Variants in ADCK2 observed in about 807,000 individuals in gnomAD.
ADCK2 encodes the protein aarF domain containing kinase 2, also known as uncharacterized aarF domain-containing protein kinase 2.
A neutral mutation model predicts 52.3 loss-of-function variants in ADCK2; 37 were observed. That is an observed-to-expected ratio of 0.71 (90% CI 0.54 to 0.93). The LOEUF (loss-of-function observed/expected upper bound fraction) is 0.93, where lower values mean the gene tolerates loss of function less well. Among genes scored for constraint, ADCK2 ranks in the 40% least tolerant of loss-of-function variants. The pLI is 0.00. For synonymous variants in ADCK2, 321 were observed against 349.2 expected, an observed-to-expected ratio of 0.92 and a Z score of 0.90; for missense variants, 695 against 798.7, an observed-to-expected ratio of 0.87 and a Z score of 1.56.
rs369429033 is a variant in ADCK2, at chr7:140,693,731, A to T, written c.1741-932A>T. Among the ~76,000 whole-genome samples, 6 of 151,848 alleles carry T rather than the reference A, an allele frequency of 4.0e-5. No homozygotes were observed. Among genetic ancestry groups the T allele is most frequent in the East Asian group, 1.9e-4 (1 of 5,170 alleles). On this transcript the variant is annotated intron_variant, in intron 7 of 7. Coordinates refer to ENST00000072869, the MANE Select transcript of ADCK2 (RefSeq NM_052853.4). The surrounding 1 kb of genome is among the most constrained non-coding windows in gnomAD (Gnocchi z 4.0). Reference sequence around the variant, plus strand: ...CTCTGATTTTTTTTATTTTTTTGAGATGGAGTTTCACTCTGTTGCCCAGGC... The same window carrying T: ...CTCTGATTTTTTTTATTTTTTTGAGTTGGAGTTTCACTCTGTTGCCCAGGC...
At position 140,693,375 on chromosome 7, in the gene ADCK2, C is replaced by T. The variant is rs980510346; in HGVS notation, c.1741-1288C>T. Reference sequence around the variant, plus strand: ...TGCTGCTTCTGGATCCACCTGACCCCGACAACCTTCCAGCCCTTAACGGAG... The same window carrying T: ...TGCTGCTTCTGGATCCACCTGACCCTGACAACCTTCCAGCCCTTAACGGAG... On this transcript the variant is annotated intron_variant, in intron 7 of 7. Coordinates refer to ENST00000072869, the MANE Select transcript of ADCK2 (RefSeq NM_052853.4). This position sits in a 1 kb window ranked among gnomAD's most constrained non-coding sequence, Gnocchi z 4.0. Among the ~76,000 whole-genome samples the T allele has an allele frequency of 6.6e-6, 1 of 152,178 alleles. No homozygotes were observed. Among genetic ancestry groups the T allele is most frequent in the Non-Finnish European group, 1.5e-5 (1 of 68,030 alleles).
At position 140,681,379 on chromosome 7, in the gene ADCK2, G is replaced by A. The variant is rs1034138908; in HGVS notation, c.1305+242G>A. Among the ~76,000 whole-genome samples, 33 of 151,566 alleles carry A rather than the reference G, an allele frequency of 2.2e-4. 1 individual carries two copies. Among genetic ancestry groups the A allele is most frequent in the African/African-American group, 6.8e-4 (28 of 41,178 alleles). On this transcript the variant is annotated intron_variant, in intron 4 of 7. Coordinates refer to ENST00000072869, the MANE Select transcript of ADCK2 (RefSeq NM_052853.4). ...GTCGCCCAGGCTGGAGTGCGGTGGCGTGATCTCGGCTCACTGCAAGCTCTG... is the reference window on the plus strand; with the variant it reads ...GTCGCCCAGGCTGGAGTGCGGTGGCATGATCTCGGCTCACTGCAAGCTCTG...
At chr7:140,682,130 G>A in intron 4 of ADCK2, among the ~76,000 whole-genome samples, 1 of 152,224 alleles carries the variant, frequency 6.6e-6, no homozygotes, top group East Asian at 1.9e-4. Flanking sequence ...ACAGCAGTGA[G>A]CAAAACAGAC....
rs922296238 is a variant in ADCK2 at position 140,690,740 on chromosome 7, C to A, written c.1687-20C>A. On this transcript the variant is annotated intron_variant, in intron 6 of 7. Transcript: ENST00000072869. ...TGGAAGGCTCGGTGGTCTGCATTAG[C>A]CTTTATTTTGTTTTTCCAGCTTCAT... The A allele has an allele frequency of 6.2e-7, 1 of 1,611,540 alleles. No homozygotes were observed. Among genetic ancestry groups the A allele is most frequent in the East Asian group, 2.2e-5 (1 of 44,788 alleles).
chr7:140,673,996 C>T lies in ADCK2; in HGVS notation c.666C>T (p.Ala222=). ...AQVYKAYANT[A]FLETDSVQRL... Reference sequence around the variant, plus strand: ...TGTACAAAGCATACGCCAACACTGCCTTCCTGGAGACTGACAGCGTCCAGA... The same window carrying T: ...TGTACAAAGCATACGCCAACACTGCTTTCCTGGAGACTGACAGCGTCCAGA... Residue 222 remains alanine, a synonymous_variant, in exon 1 of 8, where the codon GCC becomes GCT. Transcript: ENST00000072869. The surrounding 1 kb of genome is among the most constrained non-coding windows in gnomAD (Gnocchi z 6.4). 1 of 1,614,110 alleles carries T rather than the reference C, an allele frequency of 6.2e-7. No individual in the cohort carries two copies. The highest frequency in any genetic ancestry group is 8.5e-7 in the Non-Finnish European group (1 of 1,180,044).
chr7:140,675,475 G>A (rs1794386278), intron 2 of ADCK2, among the ~76,000 whole-genome samples: 1 of 152,132 alleles, frequency 6.6e-6, no homozygotes, highest in Non-Finnish European at 1.5e-5. Context: ...AGTTTCAGGG[G>A]ACTCAATTTC....
intron 5 of ADCK2, 43 bp downstream of exon 5, chr7:140,687,284 T>A (rs1269805752): frequency 1.3e-6 from 2 of 1,508,548 alleles, no homozygotes; most frequent in Admixed American, 2.1e-5. Flanking sequence ...GAATTTTTTT[T>A]AATTAAAAGA....
chr7:140,677,020 C>CACAAACAA (rs1198687281), intron 2 of ADCK2, among the ~76,000 whole-genome samples: 1 of 134,462 alleles, frequency 7.4e-6, no homozygotes, highest in African/African-American at 3.4e-5. Flanking sequence ...GAGATCCCAT[C>CACAAACAA]TCAAACAAAC....
At position 140,694,866 on chromosome 7, in the gene ADCK2, A is replaced by G. The variant is rs1471038914; in HGVS notation, c.*63A>G. 12 of 1,533,248 alleles carry G rather than the reference A, an allele frequency of 7.8e-6. No individual in the cohort carries two copies. The highest frequency in any genetic ancestry group is 1.4e-5 in the African/African-American group (1 of 72,076). 95.0% of individuals were successfully genotyped at this position (1,533,248 alleles called of 1,614,324 possible). On this transcript the variant is annotated 3_prime_UTR_variant, in exon 8 of 8. Coordinates refer to ENST00000072869, the MANE Select transcript of ADCK2 (RefSeq NM_052853.4). ...GAGGCCACTCCCAAGAGCCTCTCCT[A>G]TGGCAGCTGGGACGTTTTAAAATTG...
intron 4 of ADCK2, among the ~76,000 whole-genome samples, chr7:140,685,677 G>A (rs529988433): frequency 4.6e-5 from 7 of 152,212 alleles, no homozygotes; most frequent in Non-Finnish European, 8.8e-5. Context: ...CATAAGGGAT[G>A]GGGTCTATGG....
rs927222369 is a variant in ADCK2 at position 140,678,836 on chromosome 7, A to C, written c.1081-319A>C. Among the ~76,000 whole-genome samples the C allele has an allele frequency of 6.6e-6, 1 of 152,176 alleles. No individual in the cohort carries two copies. The highest frequency in any genetic ancestry group is 2.4e-5 in the African/African-American group (1 of 41,454). Reference sequence around the variant, plus strand: ...GGCTGGCCTGGAGAAGCCAGACCCCAGGGAGACGGGGAAGGGACTCATGGG... The same window carrying C: ...GGCTGGCCTGGAGAAGCCAGACCCCCGGGAGACGGGGAAGGGACTCATGGG... On this transcript the variant is annotated intron_variant, in intron 2 of 7. Coordinates refer to ENST00000072869, the MANE Select transcript of ADCK2 (RefSeq NM_052853.4). This position sits in a 1 kb window ranked among gnomAD's most constrained non-coding sequence, Gnocchi z 4.9.
chr7:140,673,219 T>C lies in ADCK2; in HGVS notation c.-112T>C, dbSNP rs1801660450. On this transcript the variant is annotated 5_prime_UTR_variant, in exon 1 of 8. It removes an upstream start codon present in the reference 5' UTR. Coordinates refer to ENST00000072869, the MANE Select transcript of ADCK2 (RefSeq NM_052853.4). This position sits in a 1 kb window ranked among gnomAD's most constrained non-coding sequence, Gnocchi z 6.4. ...GAGCGGGGCGCGGATCCGGCCCAGA[T>C]GGGCAGCTCCGTCCGCGGGGTCAGG... 4.4e-6 allele frequency: 4 copies of C among 916,360 alleles called. No homozygotes were observed. In the African/African-American group the frequency reaches 7.1e-5, roughly 16 times the overall value. 56.8% of individuals were successfully genotyped at this position (916,360 alleles called of 1,614,324 possible). A position where few individuals can be genotyped will look rare whatever the true frequency, so the allele number is the denominator to read the frequency against.
chr7:140,678,191 G>C lies in ADCK2; in HGVS notation c.1081-964G>C. Among the ~76,000 whole-genome samples, 1 of 152,178 alleles carries C rather than the reference G, an allele frequency of 6.6e-6. No individual in the cohort carries two copies. Among genetic ancestry groups the C allele is most frequent in the South Asian group, 2.1e-4 (1 of 4,838 alleles). Reference sequence around the variant, plus strand: ...GGGGGACAGGGACTGATCTGAGGGCGGTGAGGCTGCAAACTTGATGGCATT... The same window carrying C: ...GGGGGACAGGGACTGATCTGAGGGCCGTGAGGCTGCAAACTTGATGGCATT... On this transcript the variant is annotated intron_variant, in intron 2 of 7. Transcript: ENST00000072869. The surrounding 1 kb of genome is among the most constrained non-coding windows in gnomAD (Gnocchi z 4.9).
intron 7 of ADCK2, among the ~76,000 whole-genome samples, chr7:140,692,623 T>A (rs955348136): frequency 2.6e-5 from 4 of 152,368 alleles, no homozygotes; most frequent in Admixed American, 6.5e-5. Flanking sequence ...CCTCCCGAAG[T>A]GCTGCGATGA....
At position 140,672,986 on chromosome 7, in the gene ADCK2, A is replaced by G. The variant is rs1801654436; in HGVS notation, c.-345A>G. 6.7e-6 allele frequency among the ~76,000 whole-genome samples: 1 copy of G among 150,312 alleles called. No homozygotes were observed. Among genetic ancestry groups the G allele is most frequent in the African/African-American group, 2.4e-5 (1 of 41,002 alleles). On this transcript the variant is annotated 5_prime_UTR_variant, in exon 1 of 8. Transcript: ENST00000072869. ...CATACTGGCCCCTGGGCGCACGGTG[A>G]CCCTGCGGCTGCCCGGCCCCTGCCT...
Position 140,687,206 on chromosome 7 carries a change from T to G in ADCK2, c.1522T>G (p.Phe508Val). 6.3e-7 allele frequency: 1 copy of G among 1,580,044 alleles called. No homozygotes were observed. The highest frequency in any genetic ancestry group is 8.6e-7 in the Non-Finnish European group (1 of 1,161,412). Reference protein sequence around the residue: ...AELQAPDLRNFRAVFMAVVMG... With the variant: ...AELQAPDLRNVRAVFMAVVMG... ...GCTGCAGGCCCCTGACCTGAGGAAT[T>G]TCCGGGCAGTTTTCATGGCTGTGGT... Residue 508 changes from phenylalanine to valine, a missense_variant, in exon 5 of 8, where the codon TTC becomes GTC. By Grantham distance (50) the Phe-to-Val change is conservative. Coordinates refer to ENST00000072869, the MANE Select transcript of ADCK2 (RefSeq NM_052853.4).
At chr7:140,679,024 G>A (rs916300158) in intron 2 of ADCK2, 131 bp from the exon 3 acceptor site, 27 of 1,217,186 alleles carry the variant, frequency 2.2e-5, no homozygotes, top group African/African-American at 3.0e-5. Flanking sequence ...TGAGTTTCTG[G>A]GCAAGTTCTG....
rs764088856 is a variant in ADCK2 at position 140,681,033 on chromosome 7, T to C, written c.1210-9T>C. The C allele has an allele frequency of 1.9e-6, 3 of 1,613,862 alleles. No homozygotes were observed. Among genetic ancestry groups the C allele is most frequent in the Non-Finnish European group, 2.5e-6 (3 of 1,179,734 alleles). On this transcript the variant is annotated splice_polypyrimidine_tract_variant and intron_variant, in intron 3 of 7. Transcript: ENST00000072869. ...GGATTAAGCTGTTCTCTCCCTGGTCTTTCTGAAGGAGAGTGTGCCTGTGTC... is the reference window on the plus strand; with the variant it reads ...GGATTAAGCTGTTCTCTCCCTGGTCCTTCTGAAGGAGAGTGTGCCTGTGTC...
At chr7:140,690,995 G>A (rs1312114044) in intron 7 of ADCK2, among the ~76,000 whole-genome samples, 182 bp downstream of exon 7, 2 of 151,846 alleles carry the variant, frequency 1.3e-5, no homozygotes, top group Admixed American at 1.3e-4. Context: ...GCGCGATCTC[G>A]GCTGACTGCA....
Sources: gnomAD v4.1 joint callset for allele counts (sites outside exome capture counted in the v4.1 genomes callset) on GRCh38, gnomAD v4.1.1 for gene constraint, Gnocchi (gnomAD v3.1) non-coding constraint, MANE v1.5 for transcripts, NCBI Gene and HGNC (gene_info 2026-07-23, HGNC 2026-07-21) for gene names.